CCSER1: variants seen among roughly 807,000 people sequenced by gnomAD.
CCSER1 encodes coiled-coil serine rich protein 1, also known as serine-rich coiled-coil domain-containing protein 1.
Under a neutral mutation model 82.0 loss-of-function variants are expected in CCSER1, and 41 were observed. The observed-to-expected ratio is 0.50, with a 90% CI of 0.39 to 0.65. The LOEUF (loss-of-function observed/expected upper bound fraction) is 0.65, where lower values mean the gene tolerates loss of function less well. Ranked by LOEUF, CCSER1 falls within the 30% of genes least tolerant of loss-of-function variation. CCSER1 has a pLI of 0.00. For missense variants in CCSER1, 1,119 were observed against 1,064.2 expected (o/e 1.05, Z -0.72); for synonymous variants, 414 against 383.9 (o/e 1.08, Z -0.92).
intron 5 of CCSER1, among the ~76,000 whole-genome samples, chr4:90,477,107 T>C (rs1193403032): frequency 6.6e-6 from 1 of 152,178 alleles, no homozygotes; most frequent in Non-Finnish European, 1.5e-5. Context: ...ATGAAAAAAA[T>C]CGATTTGCAA....
intron 8 of CCSER1, among the ~76,000 whole-genome samples, chr4:90,888,678 T>C (rs1051232615): frequency 2.0e-5 from 3 of 152,132 alleles, no homozygotes; most frequent in African/African-American, 7.2e-5. Flanking sequence ...TCATTCAAAA[T>C]CAAGTTAAGT....
intron 1 of CCSER1, among the ~76,000 whole-genome samples, chr4:90,180,049 T>C (rs1048494404): frequency 4.0e-5 from 6 of 151,592 alleles, no homozygotes; most frequent in African/African-American, 1.5e-4. Flanking sequence ...ATAAACCTTT[T>C]TCCTATAAAC....
At chr4:91,152,887 C>T (rs760980914) in intron 10 of CCSER1, among the ~76,000 whole-genome samples, 4 of 151,496 alleles carry the variant, frequency 2.6e-5, no homozygotes, top group Admixed American at 6.6e-5. Flanking sequence ...CCGAGGGATC[C>T]GCTGTTAGGC....
chr4:91,454,891 T>A (rs1257481284), intron 10 of CCSER1, among the ~76,000 whole-genome samples: 2 of 152,018 alleles, frequency 1.3e-5, no homozygotes, highest in Non-Finnish European at 2.9e-5. Context: ...GCATCTCGAT[T>A]TTGAAATGTT....
At chr4:90,391,244 G>T (rs1223367516) in intron 3 of CCSER1, among the ~76,000 whole-genome samples, 2 of 127,994 alleles carry the variant, frequency 1.6e-5, no homozygotes, top group Non-Finnish European at 3.1e-5. Context: ...TTGCGCTCCA[G>T]CCTGGGCGAC....
At chr4:91,149,437 A>G (rs935345325) in intron 10 of CCSER1, among the ~76,000 whole-genome samples, 10 of 152,088 alleles carry the variant, frequency 6.6e-5, no homozygotes, top group South Asian at 2.1e-4. Context: ...TTGCCTATTC[A>G]CTCTGATGGT....
At chr4:90,694,536 A>T (rs890216349) in intron 6 of CCSER1, among the ~76,000 whole-genome samples, 4 of 152,036 alleles carry the variant, frequency 2.6e-5, no homozygotes, top group Non-Finnish European at 5.9e-5. Flanking sequence ...TTTCTTTGCT[A>T]TTCATACAAG....
At chr4:90,432,186 A>C (rs1388471519) in intron 4 of CCSER1, among the ~76,000 whole-genome samples, 1 of 152,146 alleles carries the variant, frequency 6.6e-6, no homozygotes, top group Admixed American at 6.6e-5. Flanking sequence ...TAACCTTAAA[A>C]ATAATGACAT....
chr4:91,602,878 GCTAT>G lies in CCSER1; in HGVS notation c.*3825_*3828del, dbSNP rs1431077453. On this transcript the variant is annotated 3_prime_UTR_variant, in exon 11 of 11. Coordinates refer to ENST00000509176, the MANE Select transcript of CCSER1 (RefSeq NM_001145065.2). ...ATTCATTTATACCAGGATTTTGATTGCTATCTAAGACTTGACTTTATTTAGGCAT... is the reference window on the plus strand; with the variant it reads ...ATTCATTTATACCAGGATTTTGATTGCTAAGACTTGACTTTATTTAGGCAT... 1.3e-5 allele frequency among the ~76,000 whole-genome samples: 2 copies of G among 151,918 alleles called. No homozygotes were observed. The highest frequency in any genetic ancestry group is 2.9e-5 in the Non-Finnish European group (2 of 67,918).
chr4:90,373,763 T>C (rs567825585), intron 3 of CCSER1, among the ~76,000 whole-genome samples: 3 of 152,188 alleles, frequency 2.0e-5, no homozygotes, highest in Non-Finnish European at 4.4e-5. Flanking sequence ...ATGGACCGTC[T>C]TTTCAAGGAT....
intron 10 of CCSER1, among the ~76,000 whole-genome samples, chr4:91,407,045 C>A (rs1578383130): frequency 6.6e-6 from 1 of 152,280 alleles, no homozygotes; most frequent in East Asian, 1.9e-4. Context: ...AATTATTCAG[C>A]CCCTTTAACC....
At position 91,153,893 on chromosome 4, in the gene CCSER1, G is replaced by A. The variant is rs1054730942; in HGVS notation, c.2217+67899G>A. Among the ~76,000 whole-genome samples, 14 of 151,830 alleles carry A rather than the reference G, an allele frequency of 9.2e-5. 1 individual carries two copies. The highest frequency in any genetic ancestry group is 1.6e-4 in the Non-Finnish European group (11 of 67,892). ...GAAGCTTTGTCTCAGAGGGGCCCCC[G>A]GCTGTATGAGGTGTCAGTCGGCCCC... is the stretch of plus-strand genomic sequence containing the variant. On this transcript the variant is annotated intron_variant, in intron 10 of 10. Transcript: ENST00000509176.
chr4:91,383,210 T>C lies in CCSER1; in HGVS notation c.2218-215362T>C, dbSNP rs1217276159. Among the ~76,000 whole-genome samples the C allele has an allele frequency of 3.3e-5, 5 of 152,258 alleles. No homozygotes were observed. The East Asian group carries it at 9.7e-4, about 29-fold the overall frequency. ...CTGCAATATTGATGTATGCCTGTAT[T>C]GTGCATTAAGTTCAAAGGCCAAAAA... On this transcript the variant is annotated intron_variant, in intron 10 of 10. Coordinates refer to ENST00000509176, the MANE Select transcript of CCSER1 (RefSeq NM_001145065.2).
chr4:90,977,959 A>G (rs1735761666), intron 9 of CCSER1, among the ~76,000 whole-genome samples: 2 of 151,696 alleles, frequency 1.3e-5, no homozygotes, highest in Admixed American at 6.6e-5. Flanking sequence ...CAGGCATTCA[A>G]TGATGTCATT....
chr4:90,703,570 G>A (rs1328176869), intron 6 of CCSER1, among the ~76,000 whole-genome samples: 2 of 152,128 alleles, frequency 1.3e-5, no homozygotes, highest in Non-Finnish European at 2.9e-5. Context: ...GTTGACAGTG[G>A]GGTGTTAAAG....
chr4:91,281,725 T>C (rs1395718394), intron 10 of CCSER1, among the ~76,000 whole-genome samples: 3 of 152,218 alleles, frequency 2.0e-5, no homozygotes, highest in Admixed American at 1.3e-4. Context: ...TTGAAGTTTT[T>C]GATATTAGGA....
intron 10 of CCSER1, among the ~76,000 whole-genome samples, chr4:91,462,837 G>C (rs555704418): frequency 6.6e-6 from 1 of 152,128 alleles, no homozygotes; most frequent in Non-Finnish European, 1.5e-5. Context: ...GCTGAGGCTT[G>C]AGTAGGTAAA....
At chr4:90,342,741 C>A (rs1579286845) in intron 3 of CCSER1, among the ~76,000 whole-genome samples, 1 of 152,252 alleles carries the variant, frequency 6.6e-6, no homozygotes, top group East Asian at 1.9e-4. Flanking sequence ...TACTCCAGGA[C>A]TTTGTGGAAA....
chr4:90,830,434 C>T (rs114556946), intron 8 of CCSER1, among the ~76,000 whole-genome samples: 2,992 of 152,272 alleles, frequency 0.02, 112 homozygotes, highest in African/African-American at 0.068. Flanking sequence ...AAGGTTCCTT[C>T]ACTCAAATTA....
Sources: allele counts gnomAD v4.1 joint callset (sites outside exome capture counted in the v4.1 genomes callset), GRCh38; gene constraint gnomAD v4.1.1; transcripts MANE v1.5; gene names NCBI Gene and HGNC (gene_info 2026-07-23, HGNC 2026-07-21).